TRAF1: variants seen among roughly 807,000 people sequenced by gnomAD.
TRAF1 encodes TNF receptor-associated factor 1.
In TRAF1, 23 loss-of-function variants were observed where a neutral mutation model predicts 40.9. That is an observed-to-expected ratio of 0.56 (90% CI 0.40 to 0.80). The LOEUF is 0.80. TRAF1 is among the 30% of genes least tolerant of loss of function. The probability of loss-of-function intolerance (pLI) is 0.00; values close to 1 mark genes in which losing one functional copy is unlikely to be tolerated. For missense variants in TRAF1, 477 were observed against 528.7 expected, an observed-to-expected ratio of 0.90 and a Z score of 0.96; for synonymous variants, 206 against 218.8, an observed-to-expected ratio of 0.94 and a Z score of 0.52.
chr9:120,925,449 A>G (rs2046632908), intron 2 of TRAF1, among the ~76,000 whole-genome samples: 1 of 152,246 alleles, frequency 6.6e-6, no homozygotes, highest in African/African-American at 2.4e-5. Flanking sequence ...GTCCCCTCCA[A>G]AAGGGTTCCC....
chr9:120,925,794 G>A, intron 2 of TRAF1, 142 bp downstream of exon 2: 2 of 1,203,744 alleles, frequency 1.7e-6, no homozygotes, highest in Non-Finnish European at 2.3e-6. Context: ...GTCAGGGAGT[G>A]TGAGAAAAGG....
At chr9:120,908,224 A>G (rs2046497971) in intron 7 of TRAF1, among the ~76,000 whole-genome samples, 1 of 152,186 alleles carries the variant, frequency 6.6e-6, no homozygotes, top group Admixed American at 6.5e-5. Flanking sequence ...AGCTATCTAA[A>G]AAATTTTTTA....
chr9:120,909,978 C>T (rs1375977992), intron 6 of TRAF1, among the ~76,000 whole-genome samples: 7 of 152,320 alleles, frequency 4.6e-5, no homozygotes, highest in East Asian at 1.9e-4. Context: ...TGGGGTGACT[C>T]GCAGTTCTGC....
At chr9:120,917,504 T>C (rs1267356713) in intron 3 of TRAF1, among the ~76,000 whole-genome samples, 1 of 152,230 alleles carries the variant, frequency 6.6e-6, no homozygotes, top group Non-Finnish European at 1.5e-5. Flanking sequence ...TGGTATTAGT[T>C]ACCCATTGCT....
chr9:120,908,944 C>T (rs1241313565), intron 7 of TRAF1, among the ~76,000 whole-genome samples: 3 of 152,298 alleles, frequency 2.0e-5, no homozygotes, highest in East Asian at 1.9e-4. Context: ...AATCCTCCCA[C>T]CTCAGTCTCC....
rs375060736 is a variant in TRAF1 at position 120,906,080 on chromosome 9, G to T, written c.1033-842C>A. Reference sequence around the variant, plus strand: ...CCCCACCTGTTTCCCCAGACCTGAGGTCTCTATTCTTGACACCCTCCCCTC... The same window carrying T: ...CCCCACCTGTTTCCCCAGACCTGAGTTCTCTATTCTTGACACCCTCCCCTC... On this transcript the variant is annotated intron_variant, in intron 7 of 7. Coordinates refer to ENST00000373887, the MANE Select transcript of TRAF1 (RefSeq NM_005658.5). Among the ~76,000 whole-genome samples the T allele has an allele frequency of 3.4e-4, 52 of 151,886 alleles. 1 individual carries two copies. The East Asian group carries it at 6.8e-3, about 20-fold the overall frequency.
chr9:120,914,554 A>C, intron 3 of TRAF1: 1 of 1,141,660 alleles, frequency 8.8e-7, no homozygotes, highest in Non-Finnish European at 1.1e-6. Flanking sequence ...GGCACAGTCC[A>C]CACAGCTCCG....
intron 2 of TRAF1, 44 bp downstream of exon 2, chr9:120,925,892 T>G: frequency 6.2e-7 from 1 of 1,612,122 alleles, no homozygotes; most frequent in Non-Finnish European, 8.5e-7. Context: ...GGTCCCTCCC[T>G]GGCACCCACT....
chr9:120,904,846 G>A lies in TRAF1; in HGVS notation c.*174C>T, dbSNP rs980450286. 8.6e-5 allele frequency: 58 copies of A among 672,828 alleles called. No homozygotes were observed. The highest frequency in any genetic ancestry group is 4.1e-4 in the Middle Eastern group (1 of 2,418). 41.7% of individuals were successfully genotyped at this position (672,828 alleles called of 1,614,324 possible). A position where few individuals can be genotyped will look rare whatever the true frequency, so the allele number is the denominator to read the frequency against. On this transcript the variant is annotated 3_prime_UTR_variant, in exon 8 of 8. Coordinates refer to ENST00000373887, the MANE Select transcript of TRAF1 (RefSeq NM_005658.5). ...CTTTGCCTTTGTGGGCCCAGCCCAC[G>A]TCCTGCCATCCTAACCAGATGGCCA...
At position 120,911,184 on chromosome 9, in the gene TRAF1, G is replaced by A. The variant is rs2046523388; in HGVS notation, c.883+152C>T. ...CCCACCAACCTGAAGATCCCAGCAT[G>A]GTTCCTGCCCATGGTGAGTGGCCTG... is the stretch of plus-strand genomic sequence containing the variant. On this transcript the variant is annotated intron_variant, in intron 6 of 7. Transcript: ENST00000373887. The A allele has an allele frequency of 5.7e-6, 5 of 877,174 alleles. No individual in the cohort carries two copies. The South Asian group carries it at 9.2e-5, about 16-fold the overall frequency. 54.3% of individuals were successfully genotyped at this position (877,174 alleles called of 1,614,324 possible).
chr9:120,923,299 A>G (rs551475226), intron 3 of TRAF1, among the ~76,000 whole-genome samples: 31 of 152,356 alleles, frequency 2.0e-4, no homozygotes, highest in South Asian at 1.0e-3. Context: ...TGAGAACATT[A>G]GCAGTGCAGC....
chr9:120,908,851 T>C (rs1021785023), intron 7 of TRAF1, among the ~76,000 whole-genome samples: 3 of 152,146 alleles, frequency 2.0e-5, no homozygotes, highest in Non-Finnish European at 4.4e-5. Context: ...TGAGCCACCA[T>C]GCCTGGCCAG....
chr9:120,921,096 AG>A (rs1043569926), intron 3 of TRAF1, among the ~76,000 whole-genome samples: 1 of 151,972 alleles, frequency 6.6e-6, no homozygotes, highest in African/African-American at 2.4e-5. Context: ...CAGGGAGGGG[AG>A]GGGGCTGATG....
At chr9:120,916,865 G>A (rs988140892) in intron 3 of TRAF1, among the ~76,000 whole-genome samples, 2 of 152,226 alleles carry the variant, frequency 1.3e-5, no homozygotes, top group African/African-American at 4.8e-5. Flanking sequence ...TGTGAGAACA[G>A]TGGAGGGAAG....
At chr9:120,909,196 C>T (rs1029754909) in intron 7 of TRAF1, 34 bp downstream of exon 7, 3 of 1,604,482 alleles carry the variant, frequency 1.9e-6, no homozygotes, top group Non-Finnish European at 2.6e-6. Flanking sequence ...CTTCCATGCT[C>T]CCCACCTTAC....
intron 3 of TRAF1, among the ~76,000 whole-genome samples, chr9:120,919,433 C>T (rs1015407258): frequency 1.3e-5 from 2 of 152,126 alleles, no homozygotes; most frequent in Non-Finnish European, 2.9e-5. Context: ...CTGGGGCCTC[C>T]GGGAATGTGA....
chr9:120,906,815 C>G (rs115266989), intron 7 of TRAF1, among the ~76,000 whole-genome samples: 1 of 152,168 alleles, frequency 6.6e-6, no homozygotes, highest in Non-Finnish European at 1.5e-5. Flanking sequence ...TCATCTCTCC[C>G]GGCACCTACT....
intron 5 of TRAF1, among the ~76,000 whole-genome samples, chr9:120,913,093 G>A (rs1211352965): frequency 2.0e-5 from 3 of 152,192 alleles, no homozygotes; most frequent in Non-Finnish European, 2.9e-5. Flanking sequence ...GGGAGGTGGT[G>A]TCTTATCACA....
At chr9:120,919,434 G>A (rs1474966093) in intron 3 of TRAF1, among the ~76,000 whole-genome samples, 2 of 152,092 alleles carry the variant, frequency 1.3e-5, no homozygotes, top group Non-Finnish European at 2.9e-5. Flanking sequence ...TGGGGCCTCC[G>A]GGAATGTGAC....
Sources: gnomAD v4.1 joint callset for allele counts (sites outside exome capture counted in the v4.1 genomes callset) on GRCh38, gnomAD v4.1.1 for gene constraint, MANE v1.5 for transcripts, NCBI Gene and HGNC (gene_info 2026-07-23, HGNC 2026-07-21) for gene names.